Variants in PID1 observed in about 807,000 individuals in gnomAD.
PID1 encodes phosphotyrosine interaction domain containing 1, also known as PTB-containing, cubilin and LRP1-interacting protein.
Under a neutral mutation model 19.1 loss-of-function variants are expected in PID1, and 10 were observed. The observed-to-expected ratio is 0.52, with a 90% CI of 0.32 to 0.89. PID1 has a LOEUF of 0.89. Ranked by LOEUF, PID1 falls within the 40% of genes least tolerant of loss-of-function variation. The probability of loss-of-function intolerance (pLI) is 0.03; values close to 1 mark genes in which losing one functional copy is unlikely to be tolerated. For missense variants in PID1, 248 were observed against 285.3 expected (o/e 0.87, Z 0.94); for synonymous variants, 130 against 116.0 (o/e 1.12, Z -0.78).
At chr2:229,078,024 G>T (rs2215602) in intron 2 of PID1, among the ~76,000 whole-genome samples, 120,704 of 152,174 alleles carry the variant, frequency 0.79, 48,651 homozygotes, top group African/African-American at 0.93. Flanking sequence ...CAAGCATGAA[G>T]GAGCATGTGC....
At chr2:229,215,436 T>C (rs1691824223) in intron 1 of PID1, among the ~76,000 whole-genome samples, 1 of 152,264 alleles carries the variant, frequency 6.6e-6, no homozygotes, top group South Asian at 2.1e-4. Flanking sequence ...TATCATTTAT[T>C]CATTTATCTT....
At chr2:229,131,491 G>A (rs550529939) in intron 2 of PID1, among the ~76,000 whole-genome samples, 2 of 152,184 alleles carry the variant, frequency 1.3e-5, no homozygotes, top group South Asian at 2.1e-4. Context: ...TCAGCCTCCC[G>A]AAGTGCTGGG....
chr2:229,109,453 A>G (rs58534083), intron 2 of PID1, among the ~76,000 whole-genome samples: 11,766 of 152,216 alleles, frequency 0.077, 535 homozygotes, highest in African/African-American at 0.12. Context: ...GTGGTGCGGA[A>G]TCCCACATGG....
At chr2:229,082,666 C>A (rs1440810248) in intron 2 of PID1, among the ~76,000 whole-genome samples, 1 of 152,142 alleles carries the variant, frequency 6.6e-6, no homozygotes, top group Non-Finnish European at 1.5e-5. Context: ...TGGCTCCTGG[C>A]TAACAGCCAG....
intron 2 of PID1, among the ~76,000 whole-genome samples, chr2:229,143,869 C>G (rs982965448): frequency 6.6e-6 from 1 of 152,104 alleles, no homozygotes; most frequent in African/African-American, 2.4e-5. Flanking sequence ...GCCTCCCCAG[C>G]TGTGTGGAAC....
chr2:229,195,333 G>C (rs1323458396), intron 1 of PID1, among the ~76,000 whole-genome samples: 1 of 151,230 alleles, frequency 6.6e-6, no homozygotes, highest in Non-Finnish European at 1.5e-5. Flanking sequence ...GATAAATGAA[G>C]TATATATACA....
At chr2:229,119,367 A>G (rs1459212133) in intron 2 of PID1, among the ~76,000 whole-genome samples, 1 of 152,136 alleles carries the variant, frequency 6.6e-6, no homozygotes, top group East Asian at 1.9e-4. Context: ...TTTCTACCAT[A>G]CCCTTCATTT....
In PID1 at chr2:229,026,009, G is replaced by C. The variant is rs1351312818; in HGVS notation, c.277C>G (p.Arg93Gly). 1 of 1,614,154 alleles carries C rather than the reference G, an allele frequency of 6.2e-7. No individual in the cohort carries two copies. Among genetic ancestry groups the C allele is most frequent in the Non-Finnish European group, 8.5e-7 (1 of 1,180,008 alleles). Reference protein sequence around the residue: ...IELWKKHTLAREDVFPANALL... With the variant: ...IELWKKHTLAGEDVFPANALL... Reference sequence around the variant, plus strand: ...GCATTGGCCGGAAAGACATCCTCTCGGGCTAGCGTGTGCTTCTTCCAGAGC... The same window carrying C: ...GCATTGGCCGGAAAGACATCCTCTCCGGCTAGCGTGTGCTTCTTCCAGAGC... Residue 93 changes from arginine (R) to glycine (G), a missense_variant, in exon 3 of 3, where the codon CGA becomes GGA. Coordinates refer to ENST00000392055, the MANE Select transcript of PID1 (RefSeq NM_001100818.2).
chr2:229,139,146 A>AAAGAAAGAAAGCAAGC (rs1293626727), intron 2 of PID1, among the ~76,000 whole-genome samples: 6 of 109,028 alleles, frequency 5.5e-5, no homozygotes, highest in African/African-American at 2.2e-4. Flanking sequence ...AGAAAGAAAG[A>AAAGAAAGAAAGCAAGC]AAGCAAGCGA....
chr2:229,056,423 C>T (rs879612720), intron 2 of PID1, among the ~76,000 whole-genome samples: 1 of 152,078 alleles, frequency 6.6e-6, no homozygotes, highest in Non-Finnish European at 1.5e-5. Context: ...GATCTCTGAA[C>T]GTATCCCTCT....
At chr2:229,197,141 TAAC>T (rs916060273) in intron 1 of PID1, among the ~76,000 whole-genome samples, 8 of 151,922 alleles carry the variant, frequency 5.3e-5, no homozygotes, top group Non-Finnish European at 1.0e-4. Flanking sequence ...AAAGGTGAAA[TAAC>T]AAATAATACT....
chr2:229,055,087 T>C (rs1216703977), intron 2 of PID1, among the ~76,000 whole-genome samples: 2 of 152,160 alleles, frequency 1.3e-5, no homozygotes, highest in African/African-American at 4.8e-5. Flanking sequence ...GACTAGGTAC[T>C]CTGAATTCGT....
chr2:229,256,127 T>C (rs1690288678), intron 1 of PID1, among the ~76,000 whole-genome samples: 1 of 152,122 alleles, frequency 6.6e-6, no homozygotes, highest in Non-Finnish European at 1.5e-5. Flanking sequence ...CCAATTCAAG[T>C]ATCCACAGGG....
At chr2:229,069,051 C>T (rs1237989734) in intron 2 of PID1, among the ~76,000 whole-genome samples, 1 of 151,828 alleles carries the variant, frequency 6.6e-6, no homozygotes, top group Non-Finnish European at 1.5e-5. Flanking sequence ...ACCATCTCTA[C>T]CTCCAGTTTG....
intron 1 of PID1, among the ~76,000 whole-genome samples, chr2:229,232,931 G>C (rs780798902): frequency 2.0e-5 from 3 of 151,800 alleles, no homozygotes; most frequent in Non-Finnish European, 4.4e-5. Context: ...AAGTCACTCC[G>C]AGTTGAGACT....
At chr2:229,226,113 G>T (rs532235385) in intron 1 of PID1, among the ~76,000 whole-genome samples, 1 of 152,290 alleles carries the variant, frequency 6.6e-6, no homozygotes, top group East Asian at 1.9e-4. Flanking sequence ...CACTTCAGTT[G>T]ATCTTTGAGT....
At chr2:229,227,894 G>T (rs1394937125) in intron 1 of PID1, 2 of 446,170 alleles carry the variant, frequency 4.5e-6, no homozygotes, top group East Asian at 1.4e-4. Flanking sequence ...GTAATCTAGA[G>T]ATGATGGAAA....
intron 2 of PID1, among the ~76,000 whole-genome samples, chr2:229,028,449 A>G (rs1181034929): frequency 6.6e-6 from 1 of 152,272 alleles, no homozygotes; most frequent in Non-Finnish European, 1.5e-5. Flanking sequence ...CGCACCAAAT[A>G]AATTGTGCAT....
intron 2 of PID1, among the ~76,000 whole-genome samples, chr2:229,141,915 C>T (rs962966283): frequency 1.3e-5 from 2 of 151,992 alleles, no homozygotes; most frequent in African/African-American, 2.4e-5. Context: ...ACAACTGGCA[C>T]ACCCAGGAAC....
Sources: gnomAD v4.1 joint callset for allele counts (sites outside exome capture counted in the v4.1 genomes callset) on GRCh38, gnomAD v4.1.1 for gene constraint, MANE v1.5 for transcripts, NCBI Gene and HGNC (gene_info 2026-07-23, HGNC 2026-07-21) for gene names.